The following UBAP1 variants were observed in gnomAD, a reference collection of about 807,000 sequenced individuals.
UBAP1 encodes the protein ubiquitin-associated protein 1.
UBAP1 carries 5 observed loss-of-function variants against 39.0 expected under a neutral mutation model. The observed-to-expected ratio is 0.13, with a 90% CI of 0.07 to 0.27. The LOEUF (loss-of-function observed/expected upper bound fraction) is 0.27. Among genes scored for constraint, UBAP1 ranks in the 10% least tolerant of loss-of-function variants. The pLI is 1.00. For synonymous variants in UBAP1, 211 were observed against 225.1 expected, an observed-to-expected ratio of 0.94 and a Z score of 0.56; for missense variants, 490 against 608.1, an observed-to-expected ratio of 0.81 and a Z score of 2.04.
chr9:34,242,270 G>A (rs538239510), intron 4 of UBAP1, among the ~76,000 whole-genome samples, 162 bp downstream of exon 4: 23 of 151,564 alleles, frequency 1.5e-4, no homozygotes, highest in African/African-American at 3.1e-4. Context: ...TCGACCTCCC[G>A]GGCTCAAGCC....
At chr9:34,226,158 G>GTGTGTGTGT (rs2131592206) in intron 2 of UBAP1, among the ~76,000 whole-genome samples, 1 of 52,366 alleles carries the variant, frequency 1.9e-5, no homozygotes, top group African/African-American at 6.4e-5. Context: ...TGTGTGTGTG[G>GTGTGTGTGT]TGGGCTGGAG....
At chr9:34,224,439 T>TC (rs1440234121) in intron 2 of UBAP1, 1 of 397,234 alleles carries the variant, frequency 2.5e-6, no homozygotes, top group Non-Finnish European at 4.8e-6. Flanking sequence ...CAGGAGAAAT[T>TC]CCCTACATGC....
At position 34,195,500 on chromosome 9, in the gene UBAP1, T is replaced by C. The variant is rs146309616; in HGVS notation, c.-8+16260T>C. Reference sequence around the variant, plus strand: ...ATCTGTTTGTCTATCTTTATGCCAGTATCACACTATCTTGATAATTGTAGC... The same window carrying C: ...ATCTGTTTGTCTATCTTTATGCCAGCATCACACTATCTTGATAATTGTAGC... On this transcript the variant is annotated intron_variant, in intron 1 of 6. Transcript: ENST00000297661. Among the ~76,000 whole-genome samples, 480 of 152,306 alleles carry C rather than the reference T, an allele frequency of 3.2e-3. 1 individual carries two copies. Among genetic ancestry groups the C allele is most frequent in the African/African-American group, 0.011 (458 of 41,572 alleles).
intron 1 of UBAP1, among the ~76,000 whole-genome samples, chr9:34,201,115 A>G (rs1273088269): frequency 6.6e-6 from 1 of 152,074 alleles, no homozygotes; most frequent in East Asian, 1.9e-4. Flanking sequence ...TGGTTTCTCC[A>G]TGTTGGTCAG....
rs566501722 is a variant in UBAP1 at position 34,183,470 on chromosome 9, G to A, written c.-8+4230G>A. On this transcript the variant is annotated intron_variant, in intron 1 of 6. Transcript: ENST00000297661. Reference sequence around the variant, plus strand: ...TGAGGCAGGAGAATGGCGTGAACCCGGCCACTCCAGAGGCGGAGCTTGCAG... The same window carrying A: ...TGAGGCAGGAGAATGGCGTGAACCCAGCCACTCCAGAGGCGGAGCTTGCAG... Among the ~76,000 whole-genome samples the A allele has an allele frequency of 2.6e-5, 4 of 151,144 alleles. No homozygotes were observed. The East Asian group carries it at 6.0e-4, about 23-fold the overall frequency.
intron 1 of UBAP1, among the ~76,000 whole-genome samples, chr9:34,205,352 A>G (rs529687803): frequency 6.6e-6 from 1 of 152,292 alleles, no homozygotes; most frequent in East Asian, 1.9e-4. Flanking sequence ...TCTGATTTTT[A>G]ACTAGTCATT....
chr9:34,185,814 C>T (rs181502581), intron 1 of UBAP1, among the ~76,000 whole-genome samples: 1 of 152,332 alleles, frequency 6.6e-6, no homozygotes, highest in Admixed American at 6.5e-5. Context: ...CCACTGCACT[C>T]CAGCCTGGCT....
chr9:34,248,050 T>G (rs1221000045), intron 4 of UBAP1, among the ~76,000 whole-genome samples: 1 of 151,980 alleles, frequency 6.6e-6, no homozygotes, highest in Non-Finnish European at 1.5e-5. Flanking sequence ...CGATTTTTTT[T>G]TTTTTCAGAC....
chr9:34,207,523 A>G (rs545745098), intron 1 of UBAP1, among the ~76,000 whole-genome samples: 14 of 151,852 alleles, frequency 9.2e-5, no homozygotes, highest in Middle Eastern at 3.4e-3. Context: ...ATGTTTTTCT[A>G]ATTGTCTAAG....
At position 34,241,798 on chromosome 9, in the gene UBAP1, C is replaced by G. The variant is rs1284944341; in HGVS notation, c.773C>G (p.Pro258Arg). The G allele has an allele frequency of 1.2e-6, 2 of 1,613,972 alleles. No homozygotes were observed. The highest frequency in any genetic ancestry group is 1.7e-6 in the Non-Finnish European group (2 of 1,180,022). ...LSSKVSLPPI[P>R]AVSNIKSLSF... Reference sequence around the variant, plus strand: ...TCCAAAGTGTCCCTCCCCCCTATACCTGCAGTAAGCAATATCAAATCCCTG... The same window carrying G: ...TCCAAAGTGTCCCTCCCCCCTATACGTGCAGTAAGCAATATCAAATCCCTG... The change falls in exon 4 of 7, where the codon CCT becomes CGT. Residue 258 changes from proline (P) to arginine (R), a missense_variant. Around this residue, in one of 3 missense-constraint regions of UBAP1, gnomAD observed 339 missense variants for 390.0 expected, o/e 0.87. Coordinates refer to ENST00000297661, the MANE Select transcript of UBAP1 (RefSeq NM_016525.5).
intron 1 of UBAP1, among the ~76,000 whole-genome samples, chr9:34,198,513 A>G (rs922142795): frequency 3.9e-5 from 6 of 152,026 alleles, no homozygotes; most frequent in Non-Finnish European, 8.8e-5. Context: ...CTGGCACAGG[A>G]CCCAAGCCAG....
intron 4 of UBAP1, among the ~76,000 whole-genome samples, chr9:34,245,966 G>C (rs1214689143): frequency 6.6e-6 from 1 of 152,026 alleles, no homozygotes; most frequent in Non-Finnish European, 1.5e-5. Context: ...AGATCAGCCT[G>C]GGCAGCATAC....
intron 4 of UBAP1, among the ~76,000 whole-genome samples, chr9:34,244,071 A>ACCTGGCC (rs1306227372): frequency 2.4e-4 from 36 of 151,412 alleles, no homozygotes; most frequent in Non-Finnish European, 4.3e-4. Context: ...GCTGGTCTTG[A>ACCTGGCC]ACTCCTGACC....
intron 2 of UBAP1, among the ~76,000 whole-genome samples, chr9:34,229,946 A>G (rs1055722250): frequency 6.6e-6 from 1 of 151,434 alleles, no homozygotes; most frequent in Admixed American, 6.6e-5. Flanking sequence ...AAGTGTTGGG[A>G]TTACAGGCGT....
At chr9:34,222,862 T>A (rs1309554643) in intron 2 of UBAP1, among the ~76,000 whole-genome samples, 1 of 151,942 alleles carries the variant, frequency 6.6e-6, no homozygotes, top group Non-Finnish European at 1.5e-5. Context: ...AAAAGGCAGA[T>A]CTGAATTCCC....
intron 2 of UBAP1, among the ~76,000 whole-genome samples, chr9:34,230,605 T>C (rs936629770): frequency 2.0e-5 from 3 of 152,182 alleles, no homozygotes; most frequent in Non-Finnish European, 2.9e-5. Context: ...TCTTTAAAAT[T>C]AGAAAGAGCT....
At chr9:34,250,492 G>C (rs1012329484) in intron 5 of UBAP1, among the ~76,000 whole-genome samples, 166 bp from the exon 6 acceptor site, 1 of 152,108 alleles carries the variant, frequency 6.6e-6, no homozygotes, top group Non-Finnish European at 1.5e-5. Context: ...GAGTCACTGG[G>C]GTCCTGTTGT....
At chr9:34,215,336 A>G (rs1832246475) in intron 1 of UBAP1, among the ~76,000 whole-genome samples, 1 of 152,030 alleles carries the variant, frequency 6.6e-6, no homozygotes, top group Non-Finnish European at 1.5e-5. Flanking sequence ...ATATATATAT[A>G]TATGATGGAA....
At chr9:34,232,455 T>G (rs1002920082) in intron 2 of UBAP1, among the ~76,000 whole-genome samples, 3 of 152,220 alleles carry the variant, frequency 2.0e-5, no homozygotes, top group African/African-American at 7.2e-5. Context: ...GAGTGTTAAA[T>G]TACTAAATTG....
Sources: gnomAD v4.1 joint callset for allele counts (sites outside exome capture counted in the v4.1 genomes callset) on GRCh38, gnomAD v4.1.1 for gene constraint, gnomAD v4.1.1 regional missense constraint, MANE v1.5 for transcripts, NCBI Gene and HGNC (gene_info 2026-07-23, HGNC 2026-07-21) for gene names.